The following SMNDC1 variants were observed in gnomAD, a reference collection of about 807,000 sequenced individuals.
The protein encoded by SMNDC1 is survival of motor neuron-related-splicing factor 30.
SMNDC1 carries 5 observed loss-of-function variants against 29.2 expected under a neutral mutation model. The ratio of observed to expected loss-of-function variants is 0.17; its 90% CI spans 0.09 to 0.36. The LOEUF is 0.36. Among genes scored for constraint, SMNDC1 ranks in the 10% least tolerant of loss-of-function variants. SMNDC1 has a pLI of 1.00. For synonymous variants in SMNDC1, 80 were observed against 89.9 expected (o/e 0.89, Z 0.62); for missense variants, 142 against 268.5 (o/e 0.53, Z 3.29).
chr10:110,298,941 C>A, intron 2 of SMNDC1, 151 bp from the exon 3 acceptor site: 2 of 567,486 alleles, frequency 3.5e-6, no homozygotes, highest in East Asian at 2.8e-5. Context: ...TGTGATTATC[C>A]CCATGTAGAA....
intron 5 of SMNDC1, among the ~76,000 whole-genome samples, chr10:110,294,611 T>G (rs1414911963): frequency 2.0e-5 from 3 of 152,242 alleles, no homozygotes; most frequent in Non-Finnish European, 4.4e-5. Context: ...AAGCTCTGGC[T>G]GTATTGTGGT....
At chr10:110,301,794 G>C (rs1857653751) in intron 2 of SMNDC1, among the ~76,000 whole-genome samples, 1 of 152,188 alleles carries the variant, frequency 6.6e-6, no homozygotes, top group Non-Finnish European at 1.5e-5. Context: ...ACCCCTGCAA[G>C]CAAGCCTTTT....
chr10:110,295,123 G>A, intron 5 of SMNDC1, 105 bp downstream of exon 5: 1 of 1,029,254 alleles, frequency 9.7e-7, no homozygotes, highest in Non-Finnish European at 1.4e-6. Flanking sequence ...TACAAAATCT[G>A]AGTTAATCAT....
Position 110,294,282 on chromosome 10 carries a change from C to T in SMNDC1, c.585G>A (p.Lys195=). ...AYSKNKKGQV[K]RSIFASPESV... ...TCTCAGGTGAAGCAAAAATACTCCT[C>T]TTTACCTAAGGGAAAGAAAACAGAA... Residue 195 remains lysine, a synonymous_variant, in exon 6 of 6, where the codon AAG becomes AAA. Transcript: ENST00000369603. The T allele has an allele frequency of 6.3e-7, 1 of 1,578,296 alleles. No individual in the cohort carries two copies. The highest frequency in any genetic ancestry group is 8.6e-7 in the Non-Finnish European group (1 of 1,168,288).
chr10:110,300,031 C>G (rs906953269), intron 2 of SMNDC1, among the ~76,000 whole-genome samples: 3 of 152,130 alleles, frequency 2.0e-5, no homozygotes, highest in African/African-American at 7.2e-5. Flanking sequence ...AAGCAAAGAA[C>G]CTTCCAAATA....
At chr10:110,299,290 T>C (rs1857611831) in intron 2 of SMNDC1, among the ~76,000 whole-genome samples, 1 of 152,200 alleles carries the variant, frequency 6.6e-6, no homozygotes, top group South Asian at 2.1e-4. Context: ...TCGACTAAAA[T>C]ACTACAGGCA....
intron 3 of SMNDC1, 43 bp from the exon 4 acceptor site, chr10:110,297,771 G>C: frequency 6.4e-7 from 1 of 1,569,040 alleles, no homozygotes; most frequent in Non-Finnish European, 8.7e-7. Flanking sequence ...TAAAGGTTTA[G>C]TACTCAGCCT....
chr10:110,303,393 G>T, intron 2 of SMNDC1, 75 bp downstream of exon 2: 1 of 1,396,420 alleles, frequency 7.2e-7, no homozygotes, highest in Non-Finnish European at 9.6e-7. Flanking sequence ...CCCTCAAAAG[G>T]CGCTTTGGGT....
At chr10:110,295,638 C>CTT (rs34495271) in intron 4 of SMNDC1, among the ~76,000 whole-genome samples, 8,300 of 142,170 alleles carry the variant, frequency 0.058, 369 homozygotes, top group Middle Eastern at 0.14. Flanking sequence ...TCAACTATGC[C>CTT]TTTTTTTTTT....
At position 110,291,093 on chromosome 10, in the gene SMNDC1, G is replaced by A. The variant is rs1252698323; in HGVS notation, c.*3057C>T. 7 of 152,088 alleles carry A rather than the reference G, an allele frequency of 4.6e-5. No individual in the cohort carries two copies. Among genetic ancestry groups the A allele is most frequent in the Non-Finnish European group, 2.9e-5 (2 of 68,000 alleles). The allele number at this position is 152,088 out of a possible 1,614,324, so 9.4% of individuals were successfully genotyped here. A position where few individuals can be genotyped will look rare whatever the true frequency, so the allele number is the denominator to read the frequency against. On this transcript the variant is annotated 3_prime_UTR_variant, in exon 6 of 6. Coordinates refer to ENST00000369603, the MANE Select transcript of SMNDC1 (RefSeq NM_005871.4). The stretch of plus-strand genomic sequence containing the variant: ...CTGATGCATCTTGTTTTGGTTTGAC[G>A]CCTAGTCTTCATGATTAGGCTAAAA...
At position 110,295,315 on chromosome 10, in the gene SMNDC1, T is replaced by A; in HGVS notation, c.492A>T (p.Ile164=). Residue 164 remains isoleucine (I), a synonymous_variant, in exon 5 of 6, where the codon ATA becomes ATT. Coordinates refer to ENST00000369603, the MANE Select transcript of SMNDC1 (RefSeq NM_005871.4). ...CCTCTCTTTCCTGCTCAAGTTCTTT[T>A]ATTCTCTGAGCTTTTTTCAAAGCTT... ...KKKALKKAQR[I]KELEQEREDQ... The A allele has an allele frequency of 6.2e-7, 1 of 1,610,794 alleles. No individual in the cohort carries two copies. Among genetic ancestry groups the A allele is most frequent in the Non-Finnish European group, 8.5e-7 (1 of 1,179,042 alleles).
chr10:110,296,929 A>G (rs1484878835), intron 4 of SMNDC1, among the ~76,000 whole-genome samples: 1 of 152,246 alleles, frequency 6.6e-6, no homozygotes, highest in Non-Finnish European at 1.5e-5. Context: ...TATCGTTTGA[A>G]TCCTCACAAC....
At chr10:110,294,879 TAA>T (rs1487245016) in intron 5 of SMNDC1, among the ~76,000 whole-genome samples, 1 of 152,218 alleles carries the variant, frequency 6.6e-6, no homozygotes, top group Non-Finnish European at 1.5e-5. Flanking sequence ...AATGCACTTT[TAA>T]ATAAAATCTA....
intron 3 of SMNDC1, 109 bp downstream of exon 3, chr10:110,298,535 ACTGC>A: frequency 1.2e-6 from 1 of 809,056 alleles, no homozygotes; most frequent in Non-Finnish European, 1.9e-6. Flanking sequence ...TATAAATCAT[ACTGC>A]CTAATAGAAG....
At chr10:110,297,215 G>C (rs769109130) in intron 4 of SMNDC1, among the ~76,000 whole-genome samples, 1 of 152,128 alleles carries the variant, frequency 6.6e-6, no homozygotes, top group Non-Finnish European at 1.5e-5. Flanking sequence ...TACTATTAAA[G>C]CACTTCATTA....
rs1649704507 is a variant in SMNDC1, at chr10:110,295,482, T to C, written c.426-101A>G. 6.6e-6 allele frequency: 5 copies of C among 755,810 alleles called. 1 individual carries two copies. Among genetic ancestry groups the C allele is most frequent in the South Asian group, 6.5e-5 (3 of 46,304 alleles). 46.8% of individuals were successfully genotyped at this position (755,810 alleles called of 1,614,324 possible). ...GCAAAAAAAAAATCTAATAAACATA[T>C]ACAATGGTCTATGAATAAAAAGTAC... On this transcript the variant is annotated intron_variant, in intron 4 of 5. Transcript: ENST00000369603.
chr10:110,298,118 A>C (rs969561266), intron 3 of SMNDC1, among the ~76,000 whole-genome samples: 1 of 152,070 alleles, frequency 6.6e-6, no homozygotes, highest in African/African-American at 2.4e-5. Flanking sequence ...TCTCCCAAGT[A>C]GCTGGGATTA....
chr10:110,303,409 G>C (rs1222909343), intron 2 of SMNDC1, 59 bp downstream of exon 2: 3 of 1,497,802 alleles, frequency 2.0e-6, no homozygotes, highest in African/African-American at 1.4e-5. Flanking sequence ...TGGGTACTTA[G>C]GGATTCAAGC....
At position 110,294,070 on chromosome 10, in the gene SMNDC1, A is replaced by T; in HGVS notation, c.*80T>A. On this transcript the variant is annotated 3_prime_UTR_variant, in exon 6 of 6. Transcript: ENST00000369603. The stretch of plus-strand genomic sequence containing the variant: ...GGTATCTTGCTTACTCATCTAACAA[A>T]TAATTTACCTTTAGAAAAATATAAG... 8.4e-7 allele frequency: 1 copy of T among 1,185,586 alleles called. No homozygotes were observed. Among genetic ancestry groups the T allele is most frequent in the Non-Finnish European group, 1.1e-6 (1 of 878,502 alleles). The allele number at this position is 1,185,586 out of a possible 1,614,324, so 73.4% of individuals were successfully genotyped here.
Sources: gnomAD v4.1 joint callset for allele counts (sites outside exome capture counted in the v4.1 genomes callset) on GRCh38, gnomAD v4.1.1 for gene constraint, MANE v1.5 for transcripts, NCBI Gene and HGNC (gene_info 2026-07-23, HGNC 2026-07-21) for gene names.